The following LPAR3 variants were observed in gnomAD, a reference collection of about 807,000 sequenced individuals.
The protein encoded by LPAR3 is lysophosphatidic acid receptor 3, also known as LPA receptor 3.
In LPAR3, 7 loss-of-function variants were observed where a neutral mutation model predicts 17.8. The observed-to-expected ratio is 0.39, with a 90% CI of 0.22 to 0.74. The LOEUF (loss-of-function observed/expected upper bound fraction) is 0.74, where lower values mean the gene tolerates loss of function less well. Ranked by LOEUF, LPAR3 falls within the 30% of genes least tolerant of loss-of-function variation. LPAR3 has a pLI of 0.40. For synonymous variants in LPAR3, 179 were observed against 179.9 expected, an observed-to-expected ratio of 0.99 and a Z score of 0.04; for missense variants, 391 against 453.4, an observed-to-expected ratio of 0.86 and a Z score of 1.25.
At chr1:84,867,646 T>TA (rs901424581) in intron 1 of LPAR3, among the ~76,000 whole-genome samples, 3 of 151,756 alleles carry the variant, frequency 2.0e-5, no homozygotes, top group African/African-American at 7.3e-5. Flanking sequence ...TTTATATGCT[T>TA]AAAAAAAACT....
chr1:84,857,559 T>C (rs150480405), intron 2 of LPAR3, among the ~76,000 whole-genome samples: 8 of 152,318 alleles, frequency 5.3e-5, no homozygotes, highest in African/African-American at 1.9e-4. Context: ...CCAGGAGATG[T>C]TTTCATAGCT....
intron 1 of LPAR3, among the ~76,000 whole-genome samples, chr1:84,891,604 T>A (rs573941878): frequency 4.6e-5 from 7 of 152,298 alleles, no homozygotes; most frequent in Admixed American, 2.0e-4. Context: ...CCACTGCCCA[T>A]GGAAAGCAGG....
intron 2 of LPAR3, among the ~76,000 whole-genome samples, chr1:84,824,342 T>A (rs1271825181): frequency 1.3e-5 from 2 of 152,156 alleles, no homozygotes; most frequent in African/African-American, 4.8e-5. Flanking sequence ...GGATACCACT[T>A]TCCATCCTCC....
intron 2 of LPAR3, among the ~76,000 whole-genome samples, chr1:84,826,626 A>G (rs1659162457): frequency 6.6e-6 from 1 of 152,114 alleles, no homozygotes; most frequent in African/African-American, 2.4e-5. Context: ...CCAAAAAAAA[A>G]AACAGGTTAC....
chr1:84,855,231 C>T (rs983684464), intron 2 of LPAR3, among the ~76,000 whole-genome samples: 4 of 152,174 alleles, frequency 2.6e-5, no homozygotes, highest in African/African-American at 4.8e-5. Flanking sequence ...CTGAAATTTT[C>T]GAAGTACAAT....
intron 1 of LPAR3, among the ~76,000 whole-genome samples, chr1:84,870,790 G>A (rs990647505): frequency 6.6e-6 from 1 of 152,080 alleles, no homozygotes; most frequent in African/African-American, 2.4e-5. Context: ...AGGCAGCCTC[G>A]TTCTACAGCC....
At chr1:84,836,329 T>A (rs1234256031) in intron 2 of LPAR3, among the ~76,000 whole-genome samples, 1 of 115,032 alleles carries the variant, frequency 8.7e-6, no homozygotes, top group Non-Finnish European at 1.7e-5. Context: ...TACAATGAGA[T>A]CCTGTCTTTA....
At chr1:84,891,729 TTGTC>T (rs1009327138) in intron 1 of LPAR3, among the ~76,000 whole-genome samples, 2 of 152,228 alleles carry the variant, frequency 1.3e-5, no homozygotes, top group East Asian at 1.9e-4. Context: ...AGGAGATTGA[TTGTC>T]TGTCTGTAAT....
chr1:84,854,524 A>G (rs1280815193), intron 2 of LPAR3, among the ~76,000 whole-genome samples: 1 of 152,214 alleles, frequency 6.6e-6, no homozygotes, highest in Non-Finnish European at 1.5e-5. Flanking sequence ...CCTCCATGTC[A>G]TCTATCTCTC....
intron 2 of LPAR3, among the ~76,000 whole-genome samples, chr1:84,833,168 G>C (rs1047054465): frequency 6.6e-6 from 1 of 152,170 alleles, no homozygotes; most frequent in East Asian, 1.9e-4. Flanking sequence ...TGGAACTAAA[G>C]ATATCATGAC....
intron 2 of LPAR3, among the ~76,000 whole-genome samples, chr1:84,859,888 T>C (rs777272813): frequency 1.3e-5 from 2 of 152,234 alleles, no homozygotes; most frequent in African/African-American, 2.4e-5. Flanking sequence ...GGTGTGTTGT[T>C]TGACAATAAA....
At chr1:84,840,221 G>T (rs867484235) in intron 2 of LPAR3, among the ~76,000 whole-genome samples, 2 of 152,228 alleles carry the variant, frequency 1.3e-5, no homozygotes, top group Non-Finnish European at 2.9e-5. Flanking sequence ...CGCCATGCCT[G>T]ACCAGTGCTT....
Position 84,813,954 on chromosome 1 carries a change from C to A in LPAR3, c.954G>T (p.Arg318Ser). Residue 318 changes from arginine (R) to serine (S), a missense_variant, in exon 3 of 3, where the codon AGG (arginine) becomes AGT (serine). Transcript: ENST00000370611. ...CTGTGGAGGGGATGCGAGAGGGACG[C>A]CTCTCTGGGTTCTCCTGAGAGAAGC... Reference protein sequence around the residue: ...ICCFSQENPERRPSRIPSTVL... With the variant: ...ICCFSQENPESRPSRIPSTVL... 1 of 1,614,172 alleles carries A rather than the reference C, an allele frequency of 6.2e-7. No homozygotes were observed. The highest frequency in any genetic ancestry group is 8.5e-7 in the Non-Finnish European group (1 of 1,180,026).
At position 84,879,611 on chromosome 1, in the gene LPAR3, C is replaced by T. The variant is rs529749330; in HGVS notation, c.-19+13405G>A. Among the ~76,000 whole-genome samples, 7 of 152,262 alleles carry T rather than the reference C, an allele frequency of 4.6e-5. No homozygotes were observed. The South Asian group carries it at 1.5e-3, about 32-fold the overall frequency. On this transcript the variant is annotated intron_variant, in intron 1 of 2. Transcript: ENST00000370611. ...TAAGCGTGAGCCACCACGCCCAGCC[C>T]ACGTTTTCCTTTTCTTACAGAGTAA...
At chr1:84,864,912 C>T (rs541443715) in intron 2 of LPAR3, among the ~76,000 whole-genome samples, 102 of 152,238 alleles carry the variant, frequency 6.7e-4, no homozygotes, top group Non-Finnish European at 1.2e-3. Context: ...TCCCTCTGCT[C>T]GATCCATGCA....
chr1:84,853,099 A>T (rs1429032500), intron 2 of LPAR3, among the ~76,000 whole-genome samples: 3 of 31,654 alleles, frequency 9.5e-5, no homozygotes, highest in Admixed American at 4.6e-4. Context: ...CTAAATAAGA[A>T]AAGAAAAGAA....
At position 84,812,888 on chromosome 1, in the gene LPAR3, ACTT is replaced by A. The variant is rs1658841551; in HGVS notation, c.*955_*957del. The A allele has an allele frequency of 6.6e-6, 1 of 151,770 alleles. No individual in the cohort carries two copies. The highest frequency in any genetic ancestry group is 6.6e-5 in the Admixed American group (1 of 15,228). 9.4% of individuals were successfully genotyped at this position (151,770 alleles called of 1,614,324 possible). ...GCTGGATGTTCCATAGGCACTTCAA[ACTT>A]CACATTCTCTTCTCCTTGTTTTCTG... On this transcript the variant is annotated 3_prime_UTR_variant, in exon 3 of 3. Transcript: ENST00000370611.
At chr1:84,880,038 C>T (rs1660334930) in intron 1 of LPAR3, among the ~76,000 whole-genome samples, 1 of 152,198 alleles carries the variant, frequency 6.6e-6, no homozygotes, top group African/African-American at 2.4e-5. Context: ...TGTATCAAAA[C>T]ATCACAATGT....
At chr1:84,839,957 ACT>A (rs1199513495) in intron 2 of LPAR3, among the ~76,000 whole-genome samples, 2 of 152,116 alleles carry the variant, frequency 1.3e-5, no homozygotes, top group Admixed American at 1.3e-4. Context: ...ACAGGGTGTC[ACT>A]CTGTCGCCCA....
Sources: allele counts gnomAD v4.1 joint callset (sites outside exome capture counted in the v4.1 genomes callset), GRCh38; gene constraint gnomAD v4.1.1; transcripts MANE v1.5; gene names NCBI Gene and HGNC (gene_info 2026-07-23, HGNC 2026-07-21).